The following SLC16A2 variants were observed in gnomAD, a reference collection of about 807,000 sequenced individuals.
SLC16A2 encodes the protein solute carrier family 16 member 2.
A neutral mutation model predicts 27.2 loss-of-function variants in SLC16A2; 3 were observed. The observed-to-expected ratio is 0.11, with a 90% confidence interval of 0.05 to 0.28. SLC16A2 has a LOEUF of 0.28. SLC16A2 is among the 10% of genes least tolerant of loss of function. SLC16A2 has a pLI of 1.00. For synonymous variants in SLC16A2, 202 were observed against 187.8 expected (o/e 1.08, Z -0.62); for missense variants, 295 against 458.5 (o/e 0.64, Z 3.26).
chrX:74,529,920 C>T (rs1414384810), intron 5 of SLC16A2, among the ~76,000 whole-genome samples: 1 of 108,285 alleles, frequency 9.2e-6, no homozygotes, highest in Non-Finnish European at 1.9e-5. Flanking sequence ...TAAAGTAATA[C>T]CCCAGAATTA....
chrX:74,530,336 G>A (rs1240605602), intron 5 of SLC16A2, among the ~76,000 whole-genome samples: 1 of 110,931 alleles, frequency 9.0e-6, no homozygotes, highest in African/African-American at 3.3e-5. Context: ...TCCTGACTTC[G>A]TGATCCACCT....
At chrX:74,492,593 C>T (rs187222731) in intron 1 of SLC16A2, among the ~76,000 whole-genome samples, 1 of 110,901 alleles carries the variant, frequency 9.0e-6, no homozygotes, top group East Asian at 2.9e-4. Context: ...AGTTCAGAAA[C>T]ACCCCAGGGA....
chrX:74,497,093 A>G (rs1296143459), intron 1 of SLC16A2, among the ~76,000 whole-genome samples: 1 of 111,987 alleles, frequency 8.9e-6, no homozygotes, highest in African/African-American at 3.2e-5. Flanking sequence ...TTATAGGCAC[A>G]GGATGGGGGT....
At chrX:74,450,574 A>G (rs1928920452) in intron 1 of SLC16A2, among the ~76,000 whole-genome samples, 1 of 111,686 alleles carries the variant, frequency 9.0e-6, no homozygotes, top group African/African-American at 3.3e-5. Flanking sequence ...CCATCTAGTC[A>G]TCAGATAGTA....
intron 1 of SLC16A2, among the ~76,000 whole-genome samples, chrX:74,492,726 G>A (rs972609549): frequency 6.3e-5 from 7 of 111,373 alleles, no homozygotes; most frequent in African/African-American, 2.3e-4. Context: ...AGTACCTGGT[G>A]CATGTTCACT....
At chrX:74,428,599 A>G (rs1467032986) in intron 1 of SLC16A2, among the ~76,000 whole-genome samples, 1 of 110,867 alleles carries the variant, frequency 9.0e-6, no homozygotes, top group East Asian at 2.8e-4. Context: ...GCCCACTCCT[A>G]CACATCCTAC....
intron 1 of SLC16A2, among the ~76,000 whole-genome samples, chrX:74,433,446 A>G (rs1928569346): frequency 9.1e-6 from 1 of 110,128 alleles, no homozygotes; most frequent in Admixed American, 9.7e-5. Flanking sequence ...TGGGGTCTTA[A>G]TGATCCTATC....
rs1457684826 is a variant in SLC16A2, at chrX:74,423,337, C to G, written c.430+1270C>G. Among the ~76,000 whole-genome samples the G allele has an allele frequency of 3.6e-5, 4 of 112,046 alleles. No homozygotes were observed. The East Asian group carries it at 1.1e-3, about 32-fold the overall frequency. On this transcript the variant is annotated intron_variant, in intron 1 of 5. Coordinates refer to ENST00000587091, the MANE Select transcript of SLC16A2 (RefSeq NM_006517.5). ...CCATCCTCTCGCCAACCTCCAACCC[C>G]CACATATTTCTACTGCCATTTGAGG...
chrX:74,458,206 C>T (rs1047188827), intron 1 of SLC16A2, among the ~76,000 whole-genome samples: 2 of 111,661 alleles, frequency 1.8e-5, no homozygotes, highest in Middle Eastern at 4.2e-3. Flanking sequence ...GCATAATTGA[C>T]AATTAAAATT....
At chrX:74,456,524 AACG>A (rs1263638593) in intron 1 of SLC16A2, among the ~76,000 whole-genome samples, 1 of 78,188 alleles carries the variant, frequency 1.3e-5, no homozygotes, top group Non-Finnish European at 2.2e-5. Context: ...TCACCTGTGC[AACG>A]ACAACAACAA....
At position 74,421,840 on chromosome X, in the gene SLC16A2, A is replaced by G; in HGVS notation, c.203A>G (p.Glu68Gly). ...LPDPAPLPEL[E>G]FESERVHEPE... is the part of the protein sequence containing the mutation. ...GACCCCGCACCCCTGCCGGAGCTGGAGTTCGAGTCCGAGCGGGTGCACGAA... is the reference window on the plus strand; with the variant it reads ...GACCCCGCACCCCTGCCGGAGCTGGGGTTCGAGTCCGAGCGGGTGCACGAA... Residue 68 changes from glutamate (E) to glycine (G), a missense_variant, in exon 1 of 6, where the codon GAG (glutamate) becomes GGG (glycine). Glu to Gly is a moderately conservative substitution (Grantham distance 98). Coordinates refer to ENST00000587091, the MANE Select transcript of SLC16A2 (RefSeq NM_006517.5). 3 of 1,200,230 alleles carry G rather than the reference A, an allele frequency of 2.5e-6. No individual in the cohort carries two copies. The highest frequency in any genetic ancestry group is 3.4e-6 in the Non-Finnish European group (3 of 889,162).
At chrX:74,462,108 C>T (rs921757590) in intron 1 of SLC16A2, among the ~76,000 whole-genome samples, 1 of 111,995 alleles carries the variant, frequency 8.9e-6, no homozygotes, top group Admixed American at 9.5e-5. Flanking sequence ...GGCCCAGTGT[C>T]TTTGAAGAGA....
intron 4 of SLC16A2, among the ~76,000 whole-genome samples, chrX:74,526,760 A>G (rs923529501): frequency 3.5e-5 from 4 of 112,912 alleles, no homozygotes; most frequent in African/African-American, 9.7e-5. Context: ...CTCAGAGATG[A>G]TAAGTGACTT....
intron 1 of SLC16A2, among the ~76,000 whole-genome samples, chrX:74,505,006 A>G (rs903940041): frequency 9.0e-6 from 1 of 111,650 alleles, no homozygotes; most frequent in African/African-American, 3.3e-5. Flanking sequence ...ACAAACAAAC[A>G]CACAAAAAAC....
intron 1 of SLC16A2, among the ~76,000 whole-genome samples, chrX:74,471,083 G>C (rs1371621708): frequency 8.9e-6 from 1 of 112,619 alleles, no homozygotes; most frequent in East Asian, 2.8e-4. Flanking sequence ...CTTTCACAGA[G>C]CAGAGATTCT....
chrX:74,460,796 G>A lies in SLC16A2; in HGVS notation c.430+38729G>A, dbSNP rs540774088. On this transcript the variant is annotated intron_variant, in intron 1 of 5. Transcript: ENST00000587091. ...CTCCTGAGTAGCTGGGACTACAGGCGCCCACCACCAAGCCCAGCTAGTTCT... is the reference window on the plus strand; with the variant it reads ...CTCCTGAGTAGCTGGGACTACAGGCACCCACCACCAAGCCCAGCTAGTTCT... Among the ~76,000 whole-genome samples the A allele has an allele frequency of 1.1e-4, 12 of 110,977 alleles. No homozygotes were observed. The East Asian group carries it at 1.1e-3, about 11-fold the overall frequency.
At chrX:74,494,155 G>C (rs1443386945) in intron 1 of SLC16A2, among the ~76,000 whole-genome samples, 2 of 112,260 alleles carry the variant, frequency 1.8e-5, no homozygotes, top group African/African-American at 6.5e-5. Context: ...TCACACTTTG[G>C]ATACAAGGCT....
intron 1 of SLC16A2, among the ~76,000 whole-genome samples, chrX:74,485,739 G>A (rs1320301516): frequency 9.0e-6 from 1 of 110,942 alleles, no homozygotes; most frequent in Non-Finnish European, 1.9e-5. Flanking sequence ...AGCTTGATTA[G>A]GATGAACCCG....
intron 1 of SLC16A2, among the ~76,000 whole-genome samples, chrX:74,434,151 G>C (rs1406596044): frequency 9.6e-6 from 1 of 104,381 alleles, no homozygotes; most frequent in Admixed American, 1.0e-4. Flanking sequence ...GAAGGAAAAG[G>C]GTCCCTCAAG....
Sources: allele counts gnomAD v4.1 joint callset (sites outside exome capture counted in the v4.1 genomes callset), GRCh38; gene constraint gnomAD v4.1.1; transcripts MANE v1.5; gene names NCBI Gene and HGNC (gene_info 2026-07-23, HGNC 2026-07-21).